Variants in DMBX1 observed in about 807,000 individuals in gnomAD.
DMBX1 encodes diencephalon/mesencephalon homeobox protein 1.
DMBX1 carries 7 observed loss-of-function variants against 30.4 expected under a neutral mutation model. The observed-to-expected ratio is 0.23, with a 90% CI of 0.13 to 0.43. The LOEUF is 0.43. Among genes scored for constraint, DMBX1 ranks in the 20% least tolerant of loss-of-function variants. The pLI is 1.00. For synonymous variants in DMBX1, 222 were observed against 214.2 expected (o/e 1.04, Z -0.32); for missense variants, 460 against 508.5 (o/e 0.90, Z 0.92).
At position 46,511,231 on chromosome 1, in the gene DMBX1, C is replaced by T. The variant is rs756135836; in HGVS notation, c.630C>T (p.Ser210=). 2 of 1,611,310 alleles carry T rather than the reference C, an allele frequency of 1.2e-6. No individual in the cohort carries two copies. Among genetic ancestry groups the T allele is most frequent in the Admixed American group, 3.3e-5 (2 of 59,764 alleles). ...AGAEDPKAEK[S]PGADSKGLGC... ...CTGAGGACCCCAAAGCTGAGAAGAG[C>T]CCTGGGGCTGACAGCAAGGGGCTGG... Residue 210 remains serine (S), a synonymous_variant, in exon 5 of 6, where the codon AGC becomes AGT. Transcript: ENST00000360032.
At position 46,512,411 on chromosome 1, in the gene DMBX1, A is replaced by G. The variant is rs887473744; in HGVS notation, c.1051A>G (p.Ser351Gly). Reference protein sequence around the residue: ...GLAPASATLNSKTTSIENLRL... With the variant: ...GLAPASATLNGKTTSIENLRL... ...GGCTCCTGCATCAGCTACCCTGAAC[A>G]GTAAAACCACAAGCATCGAGAACCT... is the stretch of plus-strand genomic sequence containing the variant. Residue 351 changes from serine (S) to glycine (G), a missense_variant, in exon 6 of 6, where the codon AGT becomes GGT. By Grantham distance (56) the Ser-to-Gly change is moderately conservative. Around this residue, in one of 3 missense-constraint regions of DMBX1, gnomAD observed 334 missense variants for 345.1 expected, o/e 0.97. Transcript: ENST00000360032. The surrounding 1 kb of genome is among the most constrained non-coding windows in gnomAD (Gnocchi z 4.8). The G allele has an allele frequency of 6.2e-7, 1 of 1,613,812 alleles. No individual in the cohort carries two copies. The highest frequency in any genetic ancestry group is 1.3e-5 in the African/African-American group (1 of 74,910).
In DMBX1 at chr1:46,513,958, C is replaced by G. The variant is rs1666439158; in HGVS notation, c.*1464C>G. ...GTGTGACCGGCTGGGCATGGTGGCT[C>G]ACACCTGTAATCCCAGCACTTTGGG... On this transcript the variant is annotated 3_prime_UTR_variant, in exon 6 of 6. Transcript: ENST00000360032. 6.6e-6 allele frequency: 1 copy of G among 152,310 alleles called. No individual in the cohort carries two copies. Among genetic ancestry groups the G allele is most frequent in the Non-Finnish European group, 1.5e-5 (1 of 68,128 alleles). 9.4% of individuals were successfully genotyped at this position (152,310 alleles called of 1,614,324 possible).
chr1:46,501,765 C>A (rs1666142156), intron 2 of DMBX1, among the ~76,000 whole-genome samples: 2 of 152,052 alleles, frequency 1.3e-5, no homozygotes, highest in Non-Finnish European at 2.9e-5. Flanking sequence ...GTGATCCCCT[C>A]ACTTTAGCCT....
chr1:46,505,618 G>A (rs979880390), intron 2 of DMBX1, among the ~76,000 whole-genome samples: 2 of 151,612 alleles, frequency 1.3e-5, no homozygotes, highest in Non-Finnish European at 2.9e-5. Context: ...GGGGACGGGG[G>A]AGGGATAGCA....
rs1330799918 is a variant in DMBX1 at position 46,512,572 on chromosome 1, GAGTT to G, written c.*80_*83del. 8.8e-6 allele frequency: 13 copies of G among 1,473,452 alleles called. No individual in the cohort carries two copies. Among genetic ancestry groups the G allele is most frequent in the African/African-American group, 1.4e-5 (1 of 71,294 alleles). 91.3% of individuals were successfully genotyped at this position (1,473,452 alleles called of 1,614,324 possible). On this transcript the variant is annotated 3_prime_UTR_variant, in exon 6 of 6. Transcript: ENST00000360032. The surrounding 1 kb of genome is among the most constrained non-coding windows in gnomAD (Gnocchi z 4.8). ...TGGTTATCCCTAGGTGGCTCTCGAG[GAGTT>G]AACTCCATGAGCCCAGGGATCCTAG...
intron 2 of DMBX1, among the ~76,000 whole-genome samples, chr1:46,502,723 CA>C (rs1338451284): frequency 6.6e-6 from 1 of 151,532 alleles, no homozygotes; most frequent in Non-Finnish European, 1.5e-5. Context: ...CCTATCTCTA[CA>C]AAAAAAATAA....
chr1:46,514,212 C>CA lies in DMBX1; in HGVS notation c.*1734dup, dbSNP rs35003663. 5,025 of 96,524 alleles carry CA rather than the reference C, an allele frequency of 0.052. 271 individuals are homozygous for CA. The highest frequency in any genetic ancestry group is 0.27 in the East Asian group (1,191 of 4,472). 6.0% of individuals were successfully genotyped at this position (96,524 alleles called of 1,614,324 possible). On this transcript the variant is annotated 3_prime_UTR_variant, in exon 6 of 6. Transcript: ENST00000360032. Reference sequence around the variant, plus strand: ...TGGGCGACGGAGTGAGACTCCATCTCAAAAAAAAAAAAAAAATAAATAAAA... The same window carrying CA: ...TGGGCGACGGAGTGAGACTCCATCTCAAAAAAAAAAAAAAAAATAAATAAAA...
chr1:46,497,920 G>A (rs1000164464), intron 2 of DMBX1, among the ~76,000 whole-genome samples: 10 of 152,344 alleles, frequency 6.6e-5, no homozygotes, highest in East Asian at 1.9e-4. Context: ...CTCCTGGCTC[G>A]CCAGGAATTG....
In DMBX1 at chr1:46,510,671, C is replaced by T. The variant is rs766415014; in HGVS notation, c.333+17C>T. On this transcript the variant is annotated intron_variant, in intron 4 of 5. Coordinates refer to ENST00000360032, the MANE Select transcript of DMBX1 (RefSeq NM_172225.2). The surrounding 1 kb of genome is among the most constrained non-coding windows in gnomAD (Gnocchi z 4.1). ...CGGGTGCAGGTAGGGCCCAACTCTC[C>T]TAACTAGGCCTTGCAGACAAACACC... 1.9e-6 allele frequency: 3 copies of T among 1,607,494 alleles called. No homozygotes were observed. Among genetic ancestry groups the T allele is most frequent in the Non-Finnish European group, 2.6e-6 (3 of 1,176,362 alleles).
chr1:46,507,210 TG>T, intron 3 of DMBX1, 46 bp downstream of exon 3: 1 of 1,603,942 alleles, frequency 6.2e-7, no homozygotes, highest in Non-Finnish European at 8.5e-7. Context: ...CTGTGGGGGT[TG>T]GGGGAGAAGG....
chr1:46,497,070 G>A lies in DMBX1; in HGVS notation c.-13+6287G>A, dbSNP rs186480953. ...CCCTCTGCCATTGACACCCAGGGTT[G>A]GTCCTCACCAGGGCCTATCTCTTGG... On this transcript the variant is annotated intron_variant, in intron 2 of 5. Coordinates refer to ENST00000360032, the MANE Select transcript of DMBX1 (RefSeq NM_172225.2). 1.3e-4 allele frequency among the ~76,000 whole-genome samples: 20 copies of A among 152,296 alleles called. No homozygotes were observed. In the East Asian group the frequency reaches 3.9e-3, roughly 29 times the overall value.
At position 46,511,359 on chromosome 1, in the gene DMBX1, A is replaced by G. The variant is rs758744382; in HGVS notation, c.682+76A>G. 256 of 1,385,422 alleles carry G rather than the reference A, an allele frequency of 1.8e-4. 1 individual carries two copies. Among genetic ancestry groups the G allele is most frequent in the Middle Eastern group, 1.3e-3 (5 of 3,872 alleles). 85.8% of individuals were successfully genotyped at this position (1,385,422 alleles called of 1,614,324 possible). On this transcript the variant is annotated intron_variant, in intron 5 of 5. Coordinates refer to ENST00000360032, the MANE Select transcript of DMBX1 (RefSeq NM_172225.2). ...GTGTGAAGCAAGTCAGAGGCGAGTA[A>G]TCAACTGCCCCTCAGGGGCATGGCG...
At chr1:46,503,865 G>A (rs574847065) in intron 2 of DMBX1, among the ~76,000 whole-genome samples, 3 of 152,278 alleles carry the variant, frequency 2.0e-5, no homozygotes, top group Non-Finnish European at 2.9e-5. Context: ...CTCCAGATGC[G>A]GAGTCAATTC....
At position 46,513,284 on chromosome 1, in the gene DMBX1, A is replaced by G. The variant is rs1055063711; in HGVS notation, c.*790A>G. 7 of 152,200 alleles carry G rather than the reference A, an allele frequency of 4.6e-5. No homozygotes were observed. The highest frequency in any genetic ancestry group is 1.7e-4 in the African/African-American group (7 of 41,384). The allele number at this position is 152,200 out of a possible 1,614,324, so 9.4% of individuals were successfully genotyped here. ...GCCTCCCTGCACCTGCGGCCTCTCTAGGAAGCTGTTCCTTTCTATGCCCAA... is the reference window on the plus strand; with the variant it reads ...GCCTCCCTGCACCTGCGGCCTCTCTGGGAAGCTGTTCCTTTCTATGCCCAA... On this transcript the variant is annotated 3_prime_UTR_variant, in exon 6 of 6. Transcript: ENST00000360032.
chr1:46,514,999 C>T lies in DMBX1; in HGVS notation c.*2505C>T. On this transcript the variant is annotated 3_prime_UTR_variant, in exon 6 of 6. Transcript: ENST00000360032. ...GAGGTGGGGCTAAGGGGCCTGGAATCCAGGCTAAAGACCACACCTACATGT... is the reference window on the plus strand; with the variant it reads ...GAGGTGGGGCTAAGGGGCCTGGAATTCAGGCTAAAGACCACACCTACATGT... Among the ~76,000 whole-genome samples the T allele has an allele frequency of 6.6e-6, 1 of 152,098 alleles. No homozygotes were observed. Among genetic ancestry groups the T allele is most frequent in the East Asian group, 1.9e-4 (1 of 5,188 alleles).
At chr1:46,508,490 G>T (rs1432088050) in intron 3 of DMBX1, among the ~76,000 whole-genome samples, 1 of 152,210 alleles carries the variant, frequency 6.6e-6, no homozygotes. Flanking sequence ...AGTGGATAAA[G>T]GTTCTCTGGA....
In DMBX1 at chr1:46,513,771, G is replaced by C. The variant is rs576849322; in HGVS notation, c.*1277G>C. The C allele has an allele frequency of 9.2e-5, 14 of 152,278 alleles. No homozygotes were observed. The highest frequency in any genetic ancestry group is 1.8e-4 in the Non-Finnish European group (12 of 68,068). The allele number at this position is 152,278 out of a possible 1,614,324, so 9.4% of individuals were successfully genotyped here. A position where few individuals can be genotyped will look rare whatever the true frequency, so the allele number is the denominator to read the frequency against. Reference sequence around the variant, plus strand: ...TGAACTCTGCTCCTGAGCACGGTGCGTGCAAAGCATATAGCAGCACATAGG... The same window carrying C: ...TGAACTCTGCTCCTGAGCACGGTGCCTGCAAAGCATATAGCAGCACATAGG... On this transcript the variant is annotated 3_prime_UTR_variant, in exon 6 of 6. Transcript: ENST00000360032.
intron 3 of DMBX1, among the ~76,000 whole-genome samples, chr1:46,509,617 A>G (rs993351759): frequency 3.9e-5 from 6 of 152,134 alleles, no homozygotes; most frequent in Admixed American, 6.5e-5. Flanking sequence ...GTAGACACCT[A>G]TCCTGGGTGG....
chr1:46,506,929 G>C, intron 2 of DMBX1, 70 bp from the exon 3 acceptor site: 2 of 1,556,038 alleles, frequency 1.3e-6, no homozygotes, highest in African/African-American at 1.3e-5. Flanking sequence ...GTCTGGACTG[G>C]GGGTGGGTCT....
Sources: gnomAD v4.1 joint callset for allele counts (sites outside exome capture counted in the v4.1 genomes callset) on GRCh38, gnomAD v4.1.1 for gene constraint, gnomAD v4.1.1 regional missense constraint, Gnocchi (gnomAD v3.1) non-coding constraint, MANE v1.5 for transcripts, NCBI Gene and HGNC (gene_info 2026-07-23, HGNC 2026-07-21) for gene names.